Variants in THBS3 observed in about 807,000 individuals in gnomAD.
The protein encoded by THBS3 is thrombospondin 3, also known as thrombospondin-3.
THBS3 carries 78 observed loss-of-function variants against 118.3 expected under a neutral mutation model. The ratio of observed to expected loss-of-function variants is 0.66; its 90% CI spans 0.55 to 0.80. The LOEUF (loss-of-function observed/expected upper bound fraction) is 0.80, where lower values mean the gene tolerates loss of function less well. Ranked by LOEUF, THBS3 falls within the 30% of genes least tolerant of loss-of-function variation. The pLI, the probability that THBS3 is intolerant of heterozygous loss-of-function variation, is 0.00. For synonymous variants in THBS3, 427 were observed against 475.3 expected, an observed-to-expected ratio of 0.90 and a Z score of 1.32; for missense variants, 1,057 against 1,247.4, an observed-to-expected ratio of 0.85 and a Z score of 2.30.
rs373204174 is a variant in THBS3, at chr1:155,203,502, G to A, written c.673+11C>T. Reference sequence around the variant, plus strand: ...CCGCTCCCCGCTTCCGCTTCAGTGTGGCCTACTCACCTAGAATGGAGTGCA... The same window carrying A: ...CCGCTCCCCGCTTCCGCTTCAGTGTAGCCTACTCACCTAGAATGGAGTGCA... On this transcript the variant is annotated intron_variant, in intron 5 of 22. Coordinates refer to ENST00000368378, the MANE Select transcript of THBS3 (RefSeq NM_007112.5). 6 of 1,613,470 alleles carry A rather than the reference G, an allele frequency of 3.7e-6. No individual in the cohort carries two copies. In the African/African-American group the frequency reaches 8.0e-5, roughly 22 times the overall value.
At position 155,201,393 on chromosome 1, in the gene THBS3, T is replaced by C. The variant is rs79177988; in HGVS notation, c.1329+24A>G. 2.5e-5 allele frequency: 39 copies of C among 1,581,152 alleles called. No individual in the cohort carries two copies. The African/African-American group carries it at 4.8e-4, about 20-fold the overall frequency. On this transcript the variant is annotated intron_variant, in intron 11 of 22. Transcript: ENST00000368378. The stretch of plus-strand genomic sequence containing the variant: ...CCTTTCCCCAGACCCTCCCTTTTCC[T>C]TCCACGCCTGAAGCCTAGCTCACCT...
intron 17 of THBS3, 67 bp from the exon 18 acceptor site, chr1:155,198,287 G>T (rs1669037214): frequency 1.9e-6 from 3 of 1,596,920 alleles, no homozygotes; most frequent in East Asian, 4.5e-5. Context: ...AATACCATCT[G>T]TTGGGCCTGC....
Position 155,195,687 on chromosome 1 carries a change from G to T in THBS3, c.*154C>A. On this transcript the variant is annotated 3_prime_UTR_variant, in exon 23 of 23. Coordinates refer to ENST00000368378, the MANE Select transcript of THBS3 (RefSeq NM_007112.5). The stretch of plus-strand genomic sequence containing the variant: ...AAAACTTCTCATCCCCTGAAGGGTG[G>T]GGTGACCACCCCTCTGGGACTGAAC... The T allele has an allele frequency of 1.3e-6, 1 of 754,732 alleles. No homozygotes were observed. The highest frequency in any genetic ancestry group is 2.2e-6 in the Non-Finnish European group (1 of 455,650). The allele number at this position is 754,732 out of a possible 1,614,324, so 46.8% of individuals were successfully genotyped here.
chr1:155,201,386 CT>C, intron 11 of THBS3, 30 bp downstream of exon 11: 1 of 1,576,974 alleles, frequency 6.3e-7, no homozygotes, highest in Non-Finnish European at 8.6e-7. Flanking sequence ...CAGACCCTCC[CT>C]TTTCCTTCCA....
At chr1:155,209,100 C>T (rs372914521), upstream of THBS3, 1,304 of 1,543,332 alleles carry the variant, frequency 8.4e-4, no homozygotes, top group Non-Finnish European at 1.0e-3. Context: ...CGCAGTTCAG[C>T]TGCCAGTCGG....
In THBS3 at chr1:155,198,538, C is replaced by T. The variant is rs374362349; in HGVS notation, c.1945G>A (p.Asp649Asn). The T allele has an allele frequency of 4.3e-6, 7 of 1,614,244 alleles. No homozygotes were observed. In the East Asian group the frequency reaches 1.6e-4, roughly 36 times the overall value. Residue 649 changes from aspartate to asparagine, a missense_variant, in exon 17 of 23, where the codon GAC (aspartate) becomes AAC (asparagine). Asp to Asn is a conservative substitution (Grantham distance 23). Around this residue, in one of 3 missense-constraint regions of THBS3, gnomAD observed 544 missense variants for 715.6 expected, o/e 0.76. Coordinates refer to ENST00000368378, the MANE Select transcript of THBS3 (RefSeq NM_007112.5). ...CPQLPNSSQL[D>N]SDNDGLGDEC... is the part of the protein sequence containing the mutation. ...TCTCCAAGTCCATCGTTATCAGAGT[C>T]CAGCTGGGAGCTATTTGGCAGCTGT...
rs1249482133 is a variant in THBS3, at chr1:155,200,657, C to T, written c.1549-47G>A. 1.0e-5 allele frequency: 16 copies of T among 1,602,188 alleles called. No homozygotes were observed. In the Admixed American group the frequency reaches 2.2e-4, roughly 22 times the overall value. Reference sequence around the variant, plus strand: ...GAAGGGTCAGGTCTCCCCTAAATCACTTGTCATCTTGCACCTACCTTGTCT... The same window carrying T: ...GAAGGGTCAGGTCTCCCCTAAATCATTTGTCATCTTGCACCTACCTTGTCT... On this transcript the variant is annotated intron_variant, in intron 13 of 22. Coordinates refer to ENST00000368378, the MANE Select transcript of THBS3 (RefSeq NM_007112.5).
At chr1:155,198,697 T>A in intron 16 of THBS3, 95 bp from the exon 17 acceptor site, 1 of 1,299,172 alleles carries the variant, frequency 7.7e-7, no homozygotes, top group Non-Finnish European at 1.1e-6. Flanking sequence ...CTGCTCTCCA[T>A]ACAATCAGAC....
rs140469044 is a variant in THBS3, at chr1:155,196,052, C to T, written c.2747G>A (p.Arg916His). 17 of 1,614,058 alleles carry T rather than the reference C, an allele frequency of 1.1e-5. No individual in the cohort carries two copies. The highest frequency in any genetic ancestry group is 3.3e-5 in the South Asian group (3 of 91,090). The change falls in exon 22 of 23, where the codon CGT (arginine) becomes CAT (histidine). Residue 916 changes from arginine (R) to histidine (H), a missense_variant. Coordinates refer to ENST00000368378, the MANE Select transcript of THBS3 (RefSeq NM_007112.5). ...VIIDTSMRGG[R>H]LGVFCFSQEN... ...TTGGGAGAAGCAGAATACACCAAGACGCCCCCCTCGCATGGATGTGTCAAT... is the reference window on the plus strand; with the variant it reads ...TTGGGAGAAGCAGAATACACCAAGATGCCCCCCTCGCATGGATGTGTCAAT...
chr1:155,204,639 A>G (rs931121819), intron 4 of THBS3, among the ~76,000 whole-genome samples: 5 of 151,866 alleles, frequency 3.3e-5, no homozygotes, highest in African/African-American at 4.8e-5. Context: ...AAGGCCAAGC[A>G]ATTAACCAAT....
chr1:155,200,171 G>A (rs1669475029), intron 14 of THBS3, 58 bp from the exon 15 acceptor site: 1 of 1,456,280 alleles, frequency 6.9e-7, no homozygotes, highest in African/African-American at 1.4e-5. Context: ...CTCTCTTCTA[G>A]GTTGGTGAAA....
At position 155,200,919 on chromosome 1, in the gene THBS3, C is replaced by G. The variant is rs753759083; in HGVS notation, c.1526G>C (p.Gly509Ala). ...VGDQCDDDAD[G>A]DGIKNVEDNC... ...CACCTCAACATTCTTGATCCCATCCCCATCAGCATCATCATCACACTGGTC... is the reference window on the plus strand; with the variant it reads ...CACCTCAACATTCTTGATCCCATCCGCATCAGCATCATCATCACACTGGTC... The change falls in exon 13 of 23, where the codon GGG (glycine) becomes GCG (alanine). Residue 509 changes from glycine to alanine, a missense_variant. Gly to Ala is a moderately conservative substitution (Grantham distance 60). Coordinates refer to ENST00000368378, the MANE Select transcript of THBS3 (RefSeq NM_007112.5). 6.2e-7 allele frequency: 1 copy of G among 1,614,098 alleles called. No homozygotes were observed. Among genetic ancestry groups the G allele is most frequent in the South Asian group, 1.1e-5 (1 of 91,082 alleles).
intron 7 of THBS3, 54 bp downstream of exon 7, chr1:155,203,032 T>A (rs2361529): frequency 5.0e-6 from 8 of 1,614,012 alleles, no homozygotes; most frequent in Non-Finnish European, 6.8e-6. Flanking sequence ...GCCAAAGCCA[T>A]TGGGTGGGGA....
Position 155,202,901 on chromosome 1 carries a change from T to C in THBS3, c.868A>G (p.Met290Val). 6 of 1,613,874 alleles carry C rather than the reference T, an allele frequency of 3.7e-6. No individual in the cohort carries two copies. The highest frequency in any genetic ancestry group is 5.1e-6 in the Non-Finnish European group (6 of 1,180,022). Residue 290 changes from methionine to valine, a missense_variant, in exon 8 of 23, where the codon ATG (methionine) becomes GTG (valine). Met to Val is a conservative substitution (Grantham distance 21). Coordinates refer to ENST00000368378, the MANE Select transcript of THBS3 (RefSeq NM_007112.5). This position sits in a 1 kb window ranked among gnomAD's most constrained non-coding sequence, Gnocchi z 5.5. ...PNPCFRGVDC[M>V]EVYEYPGYRC... Reference sequence around the variant, plus strand: ...TAGCCTGGGTACTCGTACACTTCCATGCAGTCCACACCTCGGAAGCAGGGA... The same window carrying C: ...TAGCCTGGGTACTCGTACACTTCCACGCAGTCCACACCTCGGAAGCAGGGA...
intron 13 of THBS3, 37 bp downstream of exon 13, chr1:155,200,858 GGA>G: frequency 6.2e-7 from 1 of 1,614,034 alleles, no homozygotes; most frequent in East Asian, 2.2e-5. Flanking sequence ...CAGGAGGAGG[GGA>G]GAGGAGCTTC....
At position 155,195,891 on chromosome 1, in the gene THBS3, G is replaced by A. The variant is rs1179126047; in HGVS notation, c.2821C>T (p.Pro941Ser). The A allele has an allele frequency of 6.2e-7, 1 of 1,614,052 alleles. No homozygotes were observed. Among genetic ancestry groups the A allele is most frequent in the Non-Finnish European group, 8.5e-7 (1 of 1,180,034 alleles). The change falls in exon 23 of 23, where the codon CCT becomes TCT. Residue 941 changes from proline (P) to serine (S), a missense_variant. Transcript: ENST00000368378. The part of the protein sequence containing the change: ...NLQYRCNDTV[P>S]EDFEPFRRQL... ...CTCCGGAATGGCTCAAAGTCCTCAG[G>A]CACTGTGTCTGAAGAAGGGGAAATA...
intron 11 of THBS3, 49 bp from the exon 12 acceptor site, chr1:155,201,253 C>G: frequency 6.2e-7 from 1 of 1,610,554 alleles, no homozygotes; most frequent in South Asian, 1.1e-5. Flanking sequence ...TGGCTCCCCT[C>G]CTCCCTATAT....
At chr1:155,200,163 C>G (rs1320857935) in intron 14 of THBS3, 50 bp from the exon 15 acceptor site, 8 of 1,458,332 alleles carry the variant, frequency 5.5e-6, no homozygotes, top group Middle Eastern at 1.8e-4. Flanking sequence ...GCCATATTCT[C>G]TCTTCTAGGT....
Position 155,206,053 on chromosome 1 carries a change from C to G in THBS3, c.286+147G>C, listed in dbSNP as rs1172837221. The G allele has an allele frequency of 2.3e-6, 2 of 851,094 alleles. No homozygotes were observed. The highest frequency in any genetic ancestry group is 3.6e-6 in the Non-Finnish European group (2 of 549,556). The allele number at this position is 851,094 out of a possible 1,614,324, so 52.7% of individuals were successfully genotyped here. ...AAAGCACCTTATAAGCACCCCATAC[C>G]AGGTGCCCCTGATGTCTGGGCACAG... On this transcript the variant is annotated intron_variant, in intron 2 of 22. Coordinates refer to ENST00000368378, the MANE Select transcript of THBS3 (RefSeq NM_007112.5). The surrounding 1 kb of genome is among the most constrained non-coding windows in gnomAD (Gnocchi z 4.2).
Sources: gnomAD v4.1 joint callset for allele counts (sites outside exome capture counted in the v4.1 genomes callset) on GRCh38, gnomAD v4.1.1 for gene constraint, gnomAD v4.1.1 regional missense constraint, Gnocchi (gnomAD v3.1) non-coding constraint, MANE v1.5 for transcripts, NCBI Gene and HGNC (gene_info 2026-07-23, HGNC 2026-07-21) for gene names.